Variants in CNTN4 observed in about 807,000 individuals in gnomAD.
The protein encoded by CNTN4 is contactin 4.
A neutral mutation model predicts 122.5 loss-of-function variants in CNTN4; 77 were observed. That is an observed-to-expected ratio of 0.63 (90% confidence interval 0.52 to 0.76). The LOEUF is 0.76. Ranked by LOEUF, CNTN4 falls within the 30% of genes least tolerant of loss-of-function variation. The probability of loss-of-function intolerance (pLI) is 0.00; values close to 1 mark genes in which losing one functional copy is unlikely to be tolerated. For missense variants in CNTN4, 1,256 were observed against 1,259.1 expected (o/e 1.00, Z 0.04); for synonymous variants, 512 against 447.0 (o/e 1.15, Z -1.83).
At chr3:2,241,620 T>C (rs1195378326) in intron 2 of CNTN4, among the ~76,000 whole-genome samples, 1 of 152,194 alleles carries the variant, frequency 6.6e-6, no homozygotes, top group South Asian at 2.1e-4. Flanking sequence ...TCAAGGTCAC[T>C]ACCGTCAGCT....
rs114342651 is a variant in CNTN4, at chr3:2,420,250, G to A, written c.-89+81017G>A. On this transcript the variant is annotated intron_variant, in intron 3 of 24. Transcript: ENST00000418658. ...AATTGCACTGCTTATATGCACAAGT[G>A]AGCTTCATATAAGGAGAAAGAAAAC... Among the ~76,000 whole-genome samples, 671 of 152,158 alleles carry A rather than the reference G, an allele frequency of 4.4e-3. 2 individuals carry two copies. The highest frequency in any genetic ancestry group is 0.01 in the Middle Eastern group (3 of 294).
At chr3:2,361,857 C>G (rs1429289828) in intron 3 of CNTN4, among the ~76,000 whole-genome samples, 1 of 152,124 alleles carries the variant, frequency 6.6e-6, no homozygotes, top group Non-Finnish European at 1.5e-5. Flanking sequence ...CTCATTAGCT[C>G]TCTAATTCCA....
chr3:2,693,757 C>A (rs952971853), intron 4 of CNTN4, among the ~76,000 whole-genome samples: 7 of 152,084 alleles, frequency 4.6e-5, no homozygotes, highest in African/African-American at 1.7e-4. Context: ...CAGAGCACAC[C>A]GAGGAACTTG....
intron 4 of CNTN4, among the ~76,000 whole-genome samples, chr3:2,667,144 T>C (rs1393409583): frequency 1.3e-5 from 2 of 152,212 alleles, no homozygotes; most frequent in Non-Finnish European, 2.9e-5. Flanking sequence ...TTTCTAGTTC[T>C]AGATCCCTGA....
At chr3:3,033,244 A>C (rs192578018) in intron 16 of CNTN4, among the ~76,000 whole-genome samples, 29 of 152,334 alleles carry the variant, frequency 1.9e-4, no homozygotes, top group Non-Finnish European at 3.7e-4. Context: ...ACCAAAGGTT[A>C]CATCAGCTCT....
chr3:2,217,460 C>G (rs2038893508), intron 2 of CNTN4, among the ~76,000 whole-genome samples: 1 of 152,168 alleles, frequency 6.6e-6, no homozygotes, highest in Non-Finnish European at 1.5e-5. Context: ...TTGAAACAAT[C>G]TTGTGCAAAG....
intron 13 of CNTN4, among the ~76,000 whole-genome samples, chr3:2,932,754 A>G (rs1194927208): frequency 6.6e-6 from 1 of 152,022 alleles, no homozygotes; most frequent in Non-Finnish European, 1.5e-5. Flanking sequence ...CAAGCAAGAG[A>G]GAAAAAAAAG....
chr3:2,752,931 G>A (rs1462120901), intron 6 of CNTN4, among the ~76,000 whole-genome samples: 6 of 152,010 alleles, frequency 3.9e-5, no homozygotes, highest in Admixed American at 6.6e-5. Context: ...ATTCATCCAC[G>A]GTGCCATAAA....
At chr3:2,838,562 A>T (rs2093282956) in intron 7 of CNTN4, among the ~76,000 whole-genome samples, 1 of 89,668 alleles carries the variant, frequency 1.1e-5, no homozygotes, top group South Asian at 3.6e-4. Flanking sequence ...ATGGTTTGTA[A>T]AAAAAAAAAA....
chr3:2,810,487 A>G (rs2092578922), intron 6 of CNTN4, among the ~76,000 whole-genome samples: 1 of 152,158 alleles, frequency 6.6e-6, no homozygotes, highest in Non-Finnish European at 1.5e-5. Flanking sequence ...ATAACCTCCA[A>G]TTTTGCTAAA....
At chr3:2,896,670 G>T (rs922021407) in intron 10 of CNTN4, among the ~76,000 whole-genome samples, 3 of 152,088 alleles carry the variant, frequency 2.0e-5, no homozygotes, top group Non-Finnish European at 4.4e-5. Flanking sequence ...GGTAATATGA[G>T]AATTTCTTGA....
intron 13 of CNTN4, among the ~76,000 whole-genome samples, chr3:2,940,150 CA>C (rs1293844764): frequency 3.3e-5 from 5 of 152,122 alleles, no homozygotes; most frequent in Admixed American, 6.5e-5. Flanking sequence ...AAGAGAAAAG[CA>C]AAAGGGCTGT....
intron 4 of CNTN4, among the ~76,000 whole-genome samples, chr3:2,573,835 C>A (rs898242555): frequency 6.6e-6 from 1 of 152,128 alleles, no homozygotes; most frequent in Non-Finnish European, 1.5e-5. Context: ...GTAGGAAAGT[C>A]AAGCTTTAAT....
chr3:2,799,970 C>G (rs542038117), intron 6 of CNTN4, among the ~76,000 whole-genome samples: 1 of 151,894 alleles, frequency 6.6e-6, no homozygotes, highest in African/African-American at 2.4e-5. Flanking sequence ...TCTGGGTTAT[C>G]TATTCTAGTC....
chr3:2,555,730 T>C (rs2078693017), intron 3 of CNTN4, among the ~76,000 whole-genome samples: 1 of 152,196 alleles, frequency 6.6e-6, no homozygotes, highest in African/African-American at 2.4e-5. Flanking sequence ...AGATTTATGC[T>C]GCAGAGATGG....
intron 2 of CNTN4, among the ~76,000 whole-genome samples, chr3:2,227,119 C>T (rs2039313887): frequency 6.6e-6 from 1 of 151,992 alleles, no homozygotes; most frequent in African/African-American, 2.4e-5. Flanking sequence ...TATGTGCATT[C>T]ATTGTGATGT....
intron 6 of CNTN4, among the ~76,000 whole-genome samples, chr3:2,790,179 G>C (rs1163030912): frequency 1.3e-5 from 2 of 152,250 alleles, no homozygotes; most frequent in African/African-American, 4.8e-5. Flanking sequence ...AAGTGGTGAA[G>C]TTAGAATTCA....
chr3:2,221,429 A>G (rs972342159), intron 2 of CNTN4, among the ~76,000 whole-genome samples: 5 of 152,028 alleles, frequency 3.3e-5, no homozygotes, highest in South Asian at 2.1e-4. Flanking sequence ...TCATCTAAAT[A>G]TAAGAGCCAA....
chr3:2,982,240 C>T (rs2125217538), intron 13 of CNTN4, among the ~76,000 whole-genome samples: 1 of 152,254 alleles, frequency 6.6e-6, no homozygotes, highest in Non-Finnish European at 1.5e-5. Flanking sequence ...CCGAAAAGTT[C>T]TATCAAGGCA....
Sources: gnomAD v4.1 joint callset for allele counts (sites outside exome capture counted in the v4.1 genomes callset) on GRCh38, gnomAD v4.1.1 for gene constraint, MANE v1.5 for transcripts, NCBI Gene and HGNC (gene_info 2026-07-23, HGNC 2026-07-21) for gene names.